DOK5: variants seen among roughly 807,000 people sequenced by gnomAD.
DOK5 encodes the protein docking protein 5, also known as downstream of tyrosine kinase 5.
A neutral mutation model predicts 43.3 loss-of-function variants in DOK5; 27 were observed. The observed-to-expected ratio is 0.62, with a 90% CI of 0.46 to 0.86. The LOEUF is 0.86. DOK5 is among the 40% of genes least tolerant of loss of function. The probability of loss-of-function intolerance (pLI) is 0.00; values close to 1 mark genes in which losing one functional copy is unlikely to be tolerated. For missense variants in DOK5, 373 were observed against 392.9 expected, an observed-to-expected ratio of 0.95 and a Z score of 0.43; for synonymous variants, 146 against 140.1, an observed-to-expected ratio of 1.04 and a Z score of -0.30.
At chr20:54,565,850 A>T (rs577285577) in intron 2 of DOK5, among the ~76,000 whole-genome samples, 6 of 151,978 alleles carry the variant, frequency 3.9e-5, no homozygotes, top group Non-Finnish European at 8.8e-5. Flanking sequence ...CCATGTCTCT[A>T]CTAAAAAATA....
intron 7 of DOK5, among the ~76,000 whole-genome samples, chr20:54,646,253 T>TTG (rs1253809376): frequency 8.7e-6 from 1 of 114,806 alleles, no homozygotes; most frequent in Non-Finnish European, 1.6e-5. Flanking sequence ...ATACTGTTTT[T>TTG]TTTTTTTTTT....
In DOK5 at chr20:54,475,831, C is replaced by A; in HGVS notation, c.-116C>A. Reference sequence around the variant, plus strand: ...GCCTCGCCCAGCGCCGCCGAAGCAGCTTCACCTCTCCAACTTTCTCCCACC... The same window carrying A: ...GCCTCGCCCAGCGCCGCCGAAGCAGATTCACCTCTCCAACTTTCTCCCACC... On this transcript the variant is annotated 5_prime_UTR_variant, in exon 1 of 8. Coordinates refer to ENST00000262593, the MANE Select transcript of DOK5 (RefSeq NM_018431.5). This position sits in a 1 kb window ranked among gnomAD's most constrained non-coding sequence, Gnocchi z 4.2. 2.3e-6 allele frequency: 3 copies of A among 1,297,060 alleles called. No homozygotes were observed. The highest frequency in any genetic ancestry group is 1.4e-5 in the African/African-American group (1 of 69,336). The allele number at this position is 1,297,060 out of a possible 1,614,324, so 80.3% of individuals were successfully genotyped here.
intron 1 of DOK5, among the ~76,000 whole-genome samples, chr20:54,554,270 G>A (rs1344713455): frequency 6.6e-6 from 1 of 152,166 alleles, no homozygotes; most frequent in African/African-American, 2.4e-5. Flanking sequence ...AAATGATCTA[G>A]TTCCCTGTAG....
intron 2 of DOK5, among the ~76,000 whole-genome samples, chr20:54,578,635 C>T (rs933755156): frequency 6.6e-6 from 1 of 151,858 alleles, no homozygotes; most frequent in Non-Finnish European, 1.5e-5. Flanking sequence ...TTTGACTTCT[C>T]TTCTTTTCTG....
intron 4 of DOK5, among the ~76,000 whole-genome samples, chr20:54,589,783 G>T (rs1985925263): frequency 6.6e-6 from 1 of 152,134 alleles, no homozygotes; most frequent in East Asian, 1.9e-4. Flanking sequence ...ATGTCTTCAT[G>T]ACACATTTAC....
chr20:54,554,083 G>C (rs1477137981), intron 1 of DOK5, among the ~76,000 whole-genome samples: 1 of 151,672 alleles, frequency 6.6e-6, no homozygotes, highest in South Asian at 2.1e-4. Context: ...GGATAGTTTT[G>C]GTTGCTAGAA....
At chr20:54,588,450 G>A in intron 2 of DOK5, 33 bp from the exon 3 acceptor site, 1 of 1,570,906 alleles carries the variant, frequency 6.4e-7, no homozygotes, top group Non-Finnish European at 8.8e-7. Context: ...TTCATTCAGG[G>A]AGTGTGTCAA....
intron 5 of DOK5, among the ~76,000 whole-genome samples, chr20:54,598,596 C>G (rs1414385188): frequency 6.6e-6 from 1 of 152,096 alleles, no homozygotes. Flanking sequence ...AAATTAATAC[C>G]CTGGGTTTCG....
At chr20:54,594,841 C>T (rs115694153) in intron 5 of DOK5, among the ~76,000 whole-genome samples, 3,226 of 152,184 alleles carry the variant, frequency 0.021, 137 homozygotes, top group African/African-American at 0.074. Flanking sequence ...AAAATGAACA[C>T]TGTACATATC....
chr20:54,583,447 G>A (rs112457378), intron 2 of DOK5, among the ~76,000 whole-genome samples: 8 of 151,928 alleles, frequency 5.3e-5, no homozygotes, highest in African/African-American at 1.7e-4. Context: ...TATAATCTTT[G>A]GATGTCCTAT....
intron 5 of DOK5, among the ~76,000 whole-genome samples, chr20:54,594,545 AC>A (rs1429489372): frequency 6.6e-6 from 1 of 152,228 alleles, no homozygotes; most frequent in Non-Finnish European, 1.5e-5. Context: ...TTATAAATAG[AC>A]TTTTCTATGA....
chr20:54,584,711 A>G (rs1470005235), intron 2 of DOK5, among the ~76,000 whole-genome samples: 1 of 148,182 alleles, frequency 6.7e-6, no homozygotes, highest in African/African-American at 2.5e-5. Context: ...TATAATATGT[A>G]CTCGTGTGTG....
At chr20:54,560,473 A>G (rs1470050914) in intron 2 of DOK5, among the ~76,000 whole-genome samples, 2 of 152,232 alleles carry the variant, frequency 1.3e-5, no homozygotes, top group African/African-American at 2.4e-5. Flanking sequence ...TAAATTAGAT[A>G]AAAGAGGTTG....
intron 6 of DOK5, among the ~76,000 whole-genome samples, chr20:54,636,823 A>T (rs1978844756): frequency 6.6e-6 from 1 of 152,182 alleles, no homozygotes; most frequent in South Asian, 2.1e-4. Context: ...ATGGTTACAA[A>T]CGAACTCCCA....
intron 6 of DOK5, among the ~76,000 whole-genome samples, chr20:54,639,623 TA>T (rs11475854): frequency 0.78 from 117,120 of 151,056 alleles, 45,691 homozygotes; most frequent in East Asian, 0.98. Context: ...ATATCTATTG[TA>T]AAAAAAAAAC....
At chr20:54,632,124 G>A (rs1978602198) in intron 6 of DOK5, among the ~76,000 whole-genome samples, 1 of 152,222 alleles carries the variant, frequency 6.6e-6, no homozygotes, top group Admixed American at 6.5e-5. Flanking sequence ...AGGGGTCGTG[G>A]CTGAATGTGA....
chr20:54,490,998 C>T (rs578101375), intron 1 of DOK5, among the ~76,000 whole-genome samples: 12 of 152,326 alleles, frequency 7.9e-5, no homozygotes, highest in East Asian at 7.7e-4. Context: ...TTGTCAGTAA[C>T]GTTCTTCCAT....
Position 54,490,746 on chromosome 20 carries a change from C to T in DOK5, c.66+14734C>T, listed in dbSNP as rs374268798. On this transcript the variant is annotated intron_variant, in intron 1 of 7. Coordinates refer to ENST00000262593, the MANE Select transcript of DOK5 (RefSeq NM_018431.5). ...CTGGGACTACAGGCGCATGCCACCA[C>T]GCCCAGCTAATTTTTGTATTTTTAG... Among the ~76,000 whole-genome samples the T allele has an allele frequency of 8.1e-4, 123 of 152,262 alleles. 2 individuals are homozygous for T. The South Asian group carries it at 0.016, about 19-fold the overall frequency.
intron 1 of DOK5, among the ~76,000 whole-genome samples, chr20:54,507,906 T>G (rs1301002215): frequency 6.6e-6 from 1 of 152,204 alleles, no homozygotes; most frequent in Non-Finnish European, 1.5e-5. Flanking sequence ...AGTGGATGCA[T>G]TCTAAGTGTA....
Sources: gnomAD v4.1 joint callset for allele counts (sites outside exome capture counted in the v4.1 genomes callset) on GRCh38, gnomAD v4.1.1 for gene constraint, Gnocchi (gnomAD v3.1) non-coding constraint, MANE v1.5 for transcripts, NCBI Gene and HGNC (gene_info 2026-07-23, HGNC 2026-07-21) for gene names.